Variants in RBFOX1 observed in about 807,000 individuals in gnomAD.
RBFOX1 encodes RNA binding fox-1 homolog 1.
In RBFOX1, 8 loss-of-function variants were observed where a neutral mutation model predicts 57.7. That is an observed-to-expected ratio of 0.14 (90% CI 0.08 to 0.25). RBFOX1 has a LOEUF of 0.25. RBFOX1 is among the 10% of genes least tolerant of loss of function. The probability of loss-of-function intolerance (pLI) is 1.00; values close to 1 mark genes in which losing one functional copy is unlikely to be tolerated. For missense variants in RBFOX1, 611 were observed against 548.5 expected, an observed-to-expected ratio of 1.11 and a Z score of -1.14; for synonymous variants, 326 against 222.4, an observed-to-expected ratio of 1.47 and a Z score of -4.15.
intron 4 of RBFOX1, among the ~76,000 whole-genome samples, chr16:7,155,047 G>T (rs142542082): frequency 6.6e-6 from 1 of 152,026 alleles, no homozygotes; most frequent in Non-Finnish European, 1.5e-5. Context: ...TTTGTGTGGC[G>T]GAGGGCATCT....
chr16:6,080,977 T>C (rs554369118), intron 1 of RBFOX1, among the ~76,000 whole-genome samples: 1 of 152,326 alleles, frequency 6.6e-6, no homozygotes, highest in Admixed American at 6.5e-5. Context: ...ACCACCAATT[T>C]GAAGACTGTT....
chr16:5,846,798 G>C (rs757759791), intron 3 of RBFOX1, among the ~76,000 whole-genome samples: 1 of 152,210 alleles, frequency 6.6e-6, no homozygotes, highest in African/African-American at 2.4e-5. Context: ...CACTGAAAAG[G>C]CTCCAGGAAG....
chr16:6,572,769 CTT>C (rs2097363110), intron 2 of RBFOX1, among the ~76,000 whole-genome samples: 1 of 152,028 alleles, frequency 6.6e-6, no homozygotes, highest in Non-Finnish European at 1.5e-5. Flanking sequence ...TTTTTTGTGT[CTT>C]TTAGTAGAAA....
intron 2 of RBFOX1, among the ~76,000 whole-genome samples, chr16:6,613,019 GT>G (rs2098088152): frequency 6.7e-6 from 1 of 149,212 alleles, no homozygotes. Context: ...GTGTGTGTGT[GT>G]GTGTGTGTGT....
chr16:6,257,973 C>G (rs1424522637), intron 1 of RBFOX1, among the ~76,000 whole-genome samples: 1 of 152,024 alleles, frequency 6.6e-6, no homozygotes, highest in African/African-American at 2.4e-5. Flanking sequence ...TGGTAGTTCT[C>G]TTTTTTGGTC....
intron 1 of RBFOX1, among the ~76,000 whole-genome samples, chr16:5,363,275 C>T (rs528809947): frequency 3.4e-4 from 52 of 151,418 alleles, no homozygotes; most frequent in Non-Finnish European, 6.2e-4. Context: ...GAACTCCTGG[C>T]CTCATGTGAT....
chr16:7,272,802 A>G (rs2095351298), intron 4 of RBFOX1, among the ~76,000 whole-genome samples: 1 of 151,292 alleles, frequency 6.6e-6, no homozygotes, highest in Admixed American at 6.6e-5. Flanking sequence ...AGAACCAGTG[A>G]CTCTTGTTTT....
intron 4 of RBFOX1, among the ~76,000 whole-genome samples, chr16:7,083,387 G>A (rs1284540521): frequency 6.6e-6 from 1 of 152,008 alleles, no homozygotes; most frequent in East Asian, 1.9e-4. Context: ...ATGAATGGGT[G>A]CAAACTGAGC....
intron 4 of RBFOX1, among the ~76,000 whole-genome samples, chr16:7,330,515 T>TA (rs1568240505): frequency 1.6e-5 from 2 of 122,444 alleles, no homozygotes; most frequent in Non-Finnish European, 1.7e-5. Context: ...TGTGTTTGTG[T>TA]GTGTGTGTGT....
chr16:7,504,162 A>T (rs1260504368), intron 4 of RBFOX1, among the ~76,000 whole-genome samples: 2 of 152,156 alleles, frequency 1.3e-5, no homozygotes, highest in Admixed American at 6.5e-5. Context: ...ATGACCTGAG[A>T]TAATTTTCTT....
intron 4 of RBFOX1, among the ~76,000 whole-genome samples, chr16:7,180,230 A>G (rs2082432448): frequency 6.6e-6 from 1 of 152,162 alleles, no homozygotes; most frequent in African/African-American, 2.4e-5. Flanking sequence ...TATTTCAGAT[A>G]ATTTTTAAAT....
intron 1 of RBFOX1, among the ~76,000 whole-genome samples, chr16:5,327,092 C>T (rs552157166): frequency 2.0e-5 from 3 of 152,214 alleles, no homozygotes; most frequent in African/African-American, 7.2e-5. Flanking sequence ...TAGTTCTGAC[C>T]GAGGAGCTGA....
At chr16:5,719,445 C>G (rs894842930) in intron 3 of RBFOX1, among the ~76,000 whole-genome samples, 7 of 151,380 alleles carry the variant, frequency 4.6e-5, no homozygotes, top group Non-Finnish European at 1.0e-4. Flanking sequence ...CTCCTGAGCT[C>G]GCGATCCGCC....
At chr16:7,528,247 C>T (rs753426979) in intron 5 of RBFOX1, among the ~76,000 whole-genome samples, 1 of 152,176 alleles carries the variant, frequency 6.6e-6, no homozygotes, top group African/African-American at 2.4e-5. Flanking sequence ...TTCATCGTGA[C>T]TTTGTCCTCA....
At position 5,291,259 on chromosome 16, in the gene RBFOX1, T is replaced by TG. The variant is rs2063527381; in HGVS notation, c.219+51156dup. Among the ~76,000 whole-genome samples the TG allele has an allele frequency of 3.3e-5, 4 of 122,652 alleles. No homozygotes were observed. In the South Asian group the frequency reaches 7.6e-4, roughly 23 times the overall value. The allele number at this position is 122,652 out of a possible 152,430, so 80.5% of individuals were successfully genotyped here. On this transcript the variant is annotated intron_variant, in intron 1 of 2. Coordinates refer to the RBFOX1 transcript ENST00000585867. ...CTCAGTAAAGGTGACCTTTTATCATTGGTTTTTTTTTTTTTTTTTTTGAGA... is the reference window on the plus strand; with the variant it reads ...CTCAGTAAAGGTGACCTTTTATCATTGGGTTTTTTTTTTTTTTTTTTTGAGA...
chr16:7,422,007 A>G (rs1443179231), intron 4 of RBFOX1, among the ~76,000 whole-genome samples: 1 of 152,204 alleles, frequency 6.6e-6, no homozygotes, highest in African/African-American at 2.4e-5. Context: ...AAAAACCCTC[A>G]GAGGCTCTGA....
intron 2 of RBFOX1, among the ~76,000 whole-genome samples, chr16:6,392,612 C>T (rs561356664): frequency 4.8e-4 from 73 of 152,288 alleles, no homozygotes; most frequent in African/African-American, 1.5e-3. Context: ...TGCTCTCCTC[C>T]GCACACTGAG....
In RBFOX1 at chr16:5,989,880, A is replaced by C. The variant is rs2343346; in HGVS notation, c.351+122545A>C. Among the ~76,000 whole-genome samples the C allele has an allele frequency of 7.0e-3, 893 of 127,004 alleles. 11 individuals are homozygous for C. Among genetic ancestry groups the C allele is most frequent in the Middle Eastern group, 0.017 (4 of 242 alleles). The allele number at this position is 127,004 out of a possible 152,430, so 83.3% of individuals were successfully genotyped here. Reference sequence around the variant, plus strand: ...CACACACACACACACACACACACACACCACCCCTGTTTTATAATAGGAGTA... The same window carrying C: ...CACACACACACACACACACACACACCCCACCCCTGTTTTATAATAGGAGTA... On this transcript the variant is annotated intron_variant, in intron 4 of 19. Transcript: ENST00000641259.
At chr16:7,378,281 G>A (rs1217839792) in intron 4 of RBFOX1, among the ~76,000 whole-genome samples, 4 of 152,156 alleles carry the variant, frequency 2.6e-5, no homozygotes, top group African/African-American at 9.7e-5. Flanking sequence ...GGAGGATCGG[G>A]AGGCAAGGGA....
Sources: allele counts gnomAD v4.1 joint callset (sites outside exome capture counted in the v4.1 genomes callset), GRCh38; gene constraint gnomAD v4.1.1; transcripts MANE v1.5; gene names NCBI Gene and HGNC (gene_info 2026-07-23, HGNC 2026-07-21).